Variants in KIAA1958 observed in about 807,000 individuals in gnomAD.
KIAA1958 encodes the protein uncharacterized protein KIAA1958.
Under a neutral mutation model 47.2 loss-of-function variants are expected in KIAA1958, and 14 were observed. That is an observed-to-expected ratio of 0.30 (90% CI 0.20 to 0.46). KIAA1958 has a LOEUF of 0.46. Among genes scored for constraint, KIAA1958 ranks in the 20% least tolerant of loss-of-function variants. The pLI, the probability that KIAA1958 is intolerant of heterozygous loss-of-function variation, is 1.00. For missense variants in KIAA1958, 803 were observed against 909.2 expected (o/e 0.88, Z 1.50); for synonymous variants, 354 against 353.3 (o/e 1.00, Z -0.02).
chr9:112,560,309 T>C (rs1835305870), intron 1 of KIAA1958, among the ~76,000 whole-genome samples: 1 of 151,338 alleles, frequency 6.6e-6, no homozygotes, highest in Admixed American at 6.6e-5. Flanking sequence ...TAAGCAGTCG[T>C]CCTCCCTCAG....
At chr9:112,511,998 C>G (rs1245693279) in intron 1 of KIAA1958, among the ~76,000 whole-genome samples, 2 of 152,184 alleles carry the variant, frequency 1.3e-5, no homozygotes, top group Admixed American at 6.5e-5. Context: ...CTGAGCAGTC[C>G]TGTATCTGTT....
At chr9:112,566,998 A>G (rs1258601716) in intron 1 of KIAA1958, among the ~76,000 whole-genome samples, 4 of 152,198 alleles carry the variant, frequency 2.6e-5, no homozygotes, top group African/African-American at 9.7e-5. Context: ...GATAAAAATG[A>G]AAAGTGGTAA....
chr9:112,569,164 T>C (rs1835487003), intron 1 of KIAA1958, among the ~76,000 whole-genome samples: 1 of 152,170 alleles, frequency 6.6e-6, no homozygotes, highest in Non-Finnish European at 1.5e-5. Flanking sequence ...GGTACTGTTC[T>C]TTTTGAAATT....
intron 2 of KIAA1958, among the ~76,000 whole-genome samples, chr9:112,584,636 T>G (rs1193190458): frequency 6.6e-6 from 1 of 152,258 alleles, no homozygotes; most frequent in Non-Finnish European, 1.5e-5. Context: ...TTTTTAAAGT[T>G]CTTCTGTTGG....
chr9:112,503,636 A>AC (rs34193481), intron 1 of KIAA1958, among the ~76,000 whole-genome samples: 1 of 147,830 alleles, frequency 6.8e-6, no homozygotes, highest in Non-Finnish European at 1.5e-5. Context: ...AAAAAAAAAA[A>AC]GGTCAAGGGC....
chr9:112,501,311 C>T (rs373770726), intron 1 of KIAA1958, among the ~76,000 whole-genome samples: 2 of 151,978 alleles, frequency 1.3e-5, no homozygotes, highest in East Asian at 3.9e-4. Flanking sequence ...GGCATGATGG[C>T]TCATGCCTGT....
chr9:112,580,471 A>T (rs1005914213), intron 2 of KIAA1958, among the ~76,000 whole-genome samples: 19 of 152,166 alleles, frequency 1.2e-4, no homozygotes, highest in African/African-American at 4.3e-4. Flanking sequence ...TCCATGAGAA[A>T]TATATGCCTC....
intron 2 of KIAA1958, among the ~76,000 whole-genome samples, chr9:112,621,488 A>G (rs1157967108): frequency 1.3e-5 from 2 of 152,242 alleles, no homozygotes; most frequent in Admixed American, 6.5e-5. Context: ...GTCAGTATGC[A>G]CTGTGAAAGC....
At chr9:112,658,519 A>G (rs909262569) in intron 3 of KIAA1958, among the ~76,000 whole-genome samples, 2 of 152,250 alleles carry the variant, frequency 1.3e-5, no homozygotes, top group South Asian at 2.1e-4. Flanking sequence ...ATAAGTGTGT[A>G]TATATAGATG....
chr9:112,512,870 C>G (rs1487052425), intron 1 of KIAA1958, among the ~76,000 whole-genome samples: 2 of 152,034 alleles, frequency 1.3e-5, no homozygotes, highest in Non-Finnish European at 2.9e-5. Context: ...CAGAGCCTCA[C>G]TCCGTCATCC....
chr9:112,645,856 A>G, intron 3 of KIAA1958, 34 bp downstream of exon 3: 1 of 1,593,074 alleles, frequency 6.3e-7, no homozygotes, highest in Non-Finnish European at 8.6e-7. Flanking sequence ...CTTTCAGCCA[A>G]CTTCACTGAG....
rs1380337951 is a variant in KIAA1958, at chr9:112,664,922, CATT to C, written c.*4862_*4864del. ...GTCCACGCTTCAGGCAAAGTTTACC[CATT>C]ATTATTATGATTTTGAATATTCCTT... On this transcript the variant is annotated 3_prime_UTR_variant, in exon 4 of 4. Coordinates refer to ENST00000337530, the MANE Select transcript of KIAA1958 (RefSeq NM_133465.4). 2.0e-5 allele frequency: 3 copies of C among 152,148 alleles called. No individual in the cohort carries two copies. Among genetic ancestry groups the C allele is most frequent in the Admixed American group, 1.3e-4 (2 of 15,266 alleles). The allele number at this position is 152,148 out of a possible 1,614,324, so 9.4% of individuals were successfully genotyped here.
chr9:112,523,444 T>TAAA (rs1834587618), intron 1 of KIAA1958, among the ~76,000 whole-genome samples: 2 of 150,138 alleles, frequency 1.3e-5, no homozygotes, highest in Non-Finnish European at 3.0e-5. Context: ...AAGTGTCTTA[T>TAAA]TAAATAAATA....
At chr9:112,530,715 A>G (rs994669842) in intron 1 of KIAA1958, among the ~76,000 whole-genome samples, 4 of 152,204 alleles carry the variant, frequency 2.6e-5, no homozygotes, top group African/African-American at 7.2e-5. Context: ...TCTGGCTTTC[A>G]GAGACATTTA....
chr9:112,525,188 A>G (rs540875182), intron 1 of KIAA1958, among the ~76,000 whole-genome samples: 2 of 152,228 alleles, frequency 1.3e-5, no homozygotes, highest in Non-Finnish European at 2.9e-5. Context: ...GGCTTAGTAC[A>G]TGTTGACTCT....
chr9:112,607,591 G>A (rs1487672156), intron 2 of KIAA1958, among the ~76,000 whole-genome samples: 1 of 152,042 alleles, frequency 6.6e-6, no homozygotes, highest in Non-Finnish European at 1.5e-5. Flanking sequence ...TGGTCTGCCG[G>A]TGAGACAAGG....
At chr9:112,612,312 G>A (rs148272627) in intron 2 of KIAA1958, among the ~76,000 whole-genome samples, 45 of 152,132 alleles carry the variant, frequency 3.0e-4, no homozygotes, top group African/African-American at 9.1e-4. Context: ...GCCCAGCTAC[G>A]TTGGAGGATT....
intron 1 of KIAA1958, among the ~76,000 whole-genome samples, chr9:112,494,689 A>G (rs1834023164): frequency 6.6e-6 from 1 of 152,040 alleles, no homozygotes; most frequent in Admixed American, 6.5e-5. Flanking sequence ...GCTGGTCTCA[A>G]ACTCATGGGC....
chr9:112,617,812 A>G, intron 2 of KIAA1958: 1 of 1,285,654 alleles, frequency 7.8e-7, no homozygotes, highest in Non-Finnish European at 1.1e-6. Flanking sequence ...CAGAGTAGAA[A>G]GTGCATTGTC....
Sources: gnomAD v4.1 joint callset for allele counts (sites outside exome capture counted in the v4.1 genomes callset) on GRCh38, gnomAD v4.1.1 for gene constraint, MANE v1.5 for transcripts, NCBI Gene and HGNC (gene_info 2026-07-23, HGNC 2026-07-21) for gene names.